ANO4: variants seen among roughly 807,000 people sequenced by gnomAD.
ANO4 encodes the protein anoctamin-4.
Under a neutral mutation model 141.9 loss-of-function variants are expected in ANO4, and 69 were observed. The ratio of observed to expected loss-of-function variants is 0.49; its 90% confidence interval spans 0.40 to 0.59. The LOEUF is 0.59. ANO4 is among the 20% of genes least tolerant of loss of function. ANO4 has a pLI of 0.00. For synonymous variants in ANO4, 350 were observed against 394.3 expected, an observed-to-expected ratio of 0.89 and a Z score of 1.33; for missense variants, 894 against 1,162.2, an observed-to-expected ratio of 0.77 and a Z score of 3.36.
intron 2 of ANO4, among the ~76,000 whole-genome samples, chr12:100,907,894 G>A (rs1358347793): frequency 1.3e-5 from 2 of 152,274 alleles, no homozygotes; most frequent in African/African-American, 2.4e-5. Flanking sequence ...AAAGTCAAAC[G>A]CAGGCAGTGT....
At chr12:101,016,390 A>G (rs987972611) in intron 8 of ANO4, among the ~76,000 whole-genome samples, 1 of 152,100 alleles carries the variant, frequency 6.6e-6, no homozygotes, top group African/African-American at 2.4e-5. Context: ...CAGCTCTTAC[A>G]TAAACTACCA....
At chr12:100,898,472 C>T (rs534015493) in intron 1 of ANO4, among the ~76,000 whole-genome samples, 3 of 152,322 alleles carry the variant, frequency 2.0e-5, no homozygotes, top group Admixed American at 2.0e-4. Flanking sequence ...GGATTTTTCT[C>T]AGGCATTAAA....
intron 1 of ANO4, among the ~76,000 whole-genome samples, chr12:100,847,750 C>T (rs886363131): frequency 1.3e-5 from 2 of 152,124 alleles, no homozygotes; most frequent in South Asian, 2.1e-4. Context: ...GGATTACAGG[C>T]GTGAGCCAAG....
intron 1 of ANO4, among the ~76,000 whole-genome samples, chr12:100,730,318 C>G (rs147746320): frequency 5.9e-5 from 9 of 152,098 alleles, no homozygotes; most frequent in East Asian, 3.9e-4. Flanking sequence ...CCCCTGCCCC[C>G]CAAGAGTGAG....
At chr12:101,068,839 G>T (rs1416442894) in intron 14 of ANO4, 1 of 1,008,782 alleles carries the variant, frequency 9.9e-7, no homozygotes, top group Admixed American at 1.7e-5. Flanking sequence ...TGAGCTATTT[G>T]AAAAACTTAG....
intron 1 of ANO4, among the ~76,000 whole-genome samples, chr12:100,835,107 A>T (rs1397148517): frequency 1.3e-5 from 2 of 152,158 alleles, no homozygotes; most frequent in African/African-American, 4.8e-5. Flanking sequence ...GACGTACTTC[A>T]GTACATTGCA....
chr12:100,775,623 G>A (rs965155003), intron 3 of ANO4, among the ~76,000 whole-genome samples: 1 of 152,098 alleles, frequency 6.6e-6, no homozygotes, highest in Non-Finnish European at 1.5e-5. Context: ...TTACCATTAT[G>A]TTGTTTGAAG....
At chr12:100,825,592 C>T (rs1284936918) in intron 1 of ANO4, among the ~76,000 whole-genome samples, 1 of 151,962 alleles carries the variant, frequency 6.6e-6, no homozygotes, top group Admixed American at 6.6e-5. Context: ...GTAAGAAGAA[C>T]TAGGAAGATG....
intron 3 of ANO4, among the ~76,000 whole-genome samples, chr12:100,773,881 G>C (rs1188993611): frequency 1.3e-5 from 2 of 152,170 alleles, no homozygotes; most frequent in African/African-American, 4.8e-5. Flanking sequence ...ATATGATCTA[G>C]AAAGGGTTGG....
chr12:100,873,736 A>G (rs113320604), intron 1 of ANO4, among the ~76,000 whole-genome samples: 1 of 152,236 alleles, frequency 6.6e-6, no homozygotes, highest in African/African-American at 2.4e-5. Context: ...TAGAGAAGAA[A>G]AATCCATTTT....
intron 1 of ANO4, among the ~76,000 whole-genome samples, chr12:100,724,036 C>CA (rs965730366): frequency 1.3e-5 from 2 of 149,904 alleles, no homozygotes; most frequent in East Asian, 2.0e-4. Flanking sequence ...AACAAAAAAA[C>CA]AAAAAAACCT....
At chr12:101,057,157 A>G (rs2048156458) in intron 14 of ANO4, among the ~76,000 whole-genome samples, 1 of 151,862 alleles carries the variant, frequency 6.6e-6, no homozygotes, top group Admixed American at 6.6e-5. Context: ...TTCCAGCTTC[A>G]TCCATGTCCC....
chr12:100,972,565 G>T (rs2136277332), intron 6 of ANO4, among the ~76,000 whole-genome samples: 1 of 151,604 alleles, frequency 6.6e-6, no homozygotes, highest in East Asian at 1.9e-4. Flanking sequence ...GAGAACTCAA[G>T]GATTAAAAAA....
intron 24 of ANO4, among the ~76,000 whole-genome samples, chr12:101,113,558 A>T (rs1364666991): frequency 6.6e-6 from 1 of 151,926 alleles, no homozygotes; most frequent in Non-Finnish European, 1.5e-5. Context: ...GTCATTTTTC[A>T]TGTTTTCAAG....
chr12:100,954,875 G>C (rs756966766), intron 5 of ANO4, among the ~76,000 whole-genome samples: 1 of 152,094 alleles, frequency 6.6e-6, no homozygotes, highest in Non-Finnish European at 1.5e-5. Context: ...GAATTCACTG[G>C]GACCCAATAT....
intron 9 of ANO4, among the ~76,000 whole-genome samples, chr12:101,031,162 T>A (rs1174166721): frequency 1.3e-5 from 2 of 152,194 alleles, no homozygotes; most frequent in African/African-American, 2.4e-5. Context: ...ATATTCCTGA[T>A]GAATATCGAT....
At chr12:100,967,353 A>G (rs540384051) in intron 5 of ANO4, among the ~76,000 whole-genome samples, 69 of 152,242 alleles carry the variant, frequency 4.5e-4, no homozygotes, top group Admixed American at 1.6e-3. Context: ...GGAAAGACCT[A>G]TCTAGAAACA....
chr12:101,104,611 GTGTGTATGTATGTGTGTATATATA>G (rs1383631296), intron 22 of ANO4, among the ~76,000 whole-genome samples: 981 of 77,856 alleles, frequency 0.013, 13 homozygotes, highest in Admixed American at 0.027. Context: ...GTGTGTGTGT[GTGTGTATGTATGTGTGTATATATA>G]TATATATATA....
intron 5 of ANO4, among the ~76,000 whole-genome samples, chr12:100,956,074 T>C (rs1314287948): frequency 6.6e-6 from 1 of 152,224 alleles, no homozygotes; most frequent in Non-Finnish European, 1.5e-5. Context: ...TAGACCTTAA[T>C]GACAGAGCTA....
Sources: allele counts gnomAD v4.1 joint callset (sites outside exome capture counted in the v4.1 genomes callset), GRCh38; gene constraint gnomAD v4.1.1; transcripts MANE v1.5; gene names NCBI Gene and HGNC (gene_info 2026-07-23, HGNC 2026-07-21).